Variants in PDZD2 observed in about 807,000 individuals in gnomAD.
The protein encoded by PDZD2 is PDZ domain containing 2, also known as PDZ domain-containing protein 2.
A neutral mutation model predicts 220.7 loss-of-function variants in PDZD2; 90 were observed. The observed-to-expected ratio is 0.41, with a 90% CI of 0.34 to 0.49. The LOEUF (loss-of-function observed/expected upper bound fraction) is 0.49. Among genes scored for constraint, PDZD2 ranks in the 20% least tolerant of loss-of-function variants. PDZD2 has a pLI of 0.28. For missense variants in PDZD2, 3,174 were observed against 3,608.5 expected, an observed-to-expected ratio of 0.88 and a Z score of 3.08; for synonymous variants, 1,375 against 1,450.5, an observed-to-expected ratio of 0.95 and a Z score of 1.18.
At chr5:31,896,627 T>TA (rs1268404652) in intron 2 of PDZD2, among the ~76,000 whole-genome samples, 3 of 152,186 alleles carry the variant, frequency 2.0e-5, no homozygotes, top group Admixed American at 1.3e-4. Flanking sequence ...TCTTTAGAGA[T>TA]ACATACGAAT....
intron 12 of PDZD2, 41 bp downstream of exon 12, chr5:32,058,144 T>TTC (rs775356775): frequency 9.7e-7 from 1 of 1,033,794 alleles, no homozygotes; most frequent in South Asian, 1.3e-5. Flanking sequence ...ATTTCTTGAA[T>TTC]AACATTTTGG....
chr5:31,814,225 T>C (rs1299788626), intron 2 of PDZD2, among the ~76,000 whole-genome samples: 1 of 152,176 alleles, frequency 6.6e-6, no homozygotes, highest in Non-Finnish European at 1.5e-5. Flanking sequence ...TAAAAAGGAA[T>C]TCAGGATATC....
chr5:31,996,884 C>CA (rs1378756128), intron 4 of PDZD2, among the ~76,000 whole-genome samples: 7 of 151,544 alleles, frequency 4.6e-5, no homozygotes, highest in African/African-American at 1.5e-4. Flanking sequence ...GACTCTGTCT[C>CA]AAAAAAACAA....
intron 2 of PDZD2, among the ~76,000 whole-genome samples, chr5:31,894,058 CTTTTTTT>C (rs35969573): frequency 1.1e-3 from 75 of 69,788 alleles, no homozygotes; most frequent in Non-Finnish European, 1.7e-3. Context: ...CCACGCCCAG[CTTTTTTT>C]TTTTTTTTTT....
intron 2 of PDZD2, among the ~76,000 whole-genome samples, chr5:31,950,057 TC>T (rs1035897869): frequency 6.6e-6 from 1 of 152,116 alleles, no homozygotes; most frequent in African/African-American, 2.4e-5. Flanking sequence ...GCTTATTACC[TC>T]CTCCGGTGAT....
chr5:31,928,819 A>G (rs537040833), intron 2 of PDZD2, among the ~76,000 whole-genome samples: 2 of 152,216 alleles, frequency 1.3e-5, no homozygotes, highest in East Asian at 1.9e-4. Flanking sequence ...GGAAAACTTT[A>G]TCAAGGATCT....
At chr5:31,808,688 CTAA>C (rs1427598749) in intron 2 of PDZD2, among the ~76,000 whole-genome samples, 6 of 152,110 alleles carry the variant, frequency 3.9e-5, no homozygotes, top group African/African-American at 1.4e-4. Flanking sequence ...TAAATAACAA[CTAA>C]TGAGGCTGGG....
At chr5:31,684,809 C>T (rs253909) in intron 1 of PDZD2, among the ~76,000 whole-genome samples, 59,522 of 151,950 alleles carry the variant, frequency 0.39, 12,583 homozygotes, top group East Asian at 0.82. Flanking sequence ...GCCTAGAATG[C>T]TTTTCCCTTG....
intron 2 of PDZD2, among the ~76,000 whole-genome samples, chr5:31,807,128 G>C (rs1754780246): frequency 6.6e-6 from 1 of 152,016 alleles, no homozygotes. Context: ...TAGAGACGGG[G>C]TTTCACCATG....
At chr5:31,776,264 T>A (rs557292436) in intron 1 of PDZD2, among the ~76,000 whole-genome samples, 273 of 152,150 alleles carry the variant, frequency 1.8e-3, no homozygotes, top group African/African-American at 6.2e-3. Context: ...ACTGTGCCTC[T>A]GAAATTGTCC....
chr5:32,107,977 G>A lies in PDZD2; in HGVS notation c.8362G>A (p.Ala2788Thr). The A allele has an allele frequency of 6.2e-6, 10 of 1,612,002 alleles. No homozygotes were observed. The highest frequency in any genetic ancestry group is 1.3e-5 in the African/African-American group (1 of 75,006). The change falls in exon 25 of 25, where the codon GCT (alanine) becomes ACT (threonine). Residue 2788 changes from alanine to threonine, a missense_variant. By Grantham distance (58) the Ala-to-Thr change is moderately conservative. Coordinates refer to ENST00000438447, the MANE Select transcript of PDZD2 (RefSeq NM_178140.4). ...VIKRVYKGGA[A>T]EQAGIIEAGD... ...TGTGTTTATTCTCGTAGGTGGTGCGGCTGAACAAGCTGGAATAATAGAAGC... is the reference window on the plus strand; with the variant it reads ...TGTGTTTATTCTCGTAGGTGGTGCGACTGAACAAGCTGGAATAATAGAAGC...
intron 2 of PDZD2, among the ~76,000 whole-genome samples, chr5:31,893,651 G>C (rs1741264164): frequency 6.6e-6 from 1 of 152,174 alleles, no homozygotes; most frequent in African/African-American, 2.4e-5. Flanking sequence ...AATAAATGTA[G>C]CGATCAGCTA....
chr5:31,945,229 G>A (rs1407680617), intron 2 of PDZD2, among the ~76,000 whole-genome samples: 1 of 152,074 alleles, frequency 6.6e-6, no homozygotes, highest in African/African-American at 2.4e-5. Context: ...TTATGTCACA[G>A]GCCAACTGGT....
At chr5:32,093,163 A>G (rs1252572807) in intron 21 of PDZD2, 139 bp downstream of exon 21, 2 of 609,016 alleles carry the variant, frequency 3.3e-6, no homozygotes, top group Non-Finnish European at 5.9e-6. Context: ...CGAGTTTCAC[A>G]GCTCAGTCTG....
At chr5:32,074,853 C>A (rs1178999060) in intron 18 of PDZD2, among the ~76,000 whole-genome samples, 1 of 151,706 alleles carries the variant, frequency 6.6e-6, no homozygotes, top group Non-Finnish European at 1.5e-5. Flanking sequence ...CTCTGTCACC[C>A]AGGCGGGAGT....
At chr5:32,051,886 G>A (rs328616) in intron 8 of PDZD2, among the ~76,000 whole-genome samples, 151,527 of 152,296 alleles carry the variant, frequency 0.99, 75,418 homozygotes, top group Middle Eastern at 1. Flanking sequence ...GATCGAGTGA[G>A]TTAGGCTTAA....
chr5:31,789,611 G>A (rs564211069), intron 1 of PDZD2, among the ~76,000 whole-genome samples: 1 of 152,288 alleles, frequency 6.6e-6, no homozygotes, highest in South Asian at 2.1e-4. Context: ...ATACAATACT[G>A]GAAAAGGTAT....
chr5:31,842,387 T>C (rs1757362550), intron 2 of PDZD2, among the ~76,000 whole-genome samples: 1 of 152,234 alleles, frequency 6.6e-6, no homozygotes, highest in Non-Finnish European at 1.5e-5. Context: ...GGCTGAGATC[T>C]AAATCCAGGC....
intron 3 of PDZD2, among the ~76,000 whole-genome samples, chr5:31,991,906 A>G (rs943838052): frequency 4.6e-5 from 7 of 152,116 alleles, no homozygotes; most frequent in African/African-American, 1.7e-4. Flanking sequence ...GGTGGTGTGC[A>G]CCTGTAATCC....
Sources: allele counts gnomAD v4.1 joint callset (sites outside exome capture counted in the v4.1 genomes callset), GRCh38; gene constraint gnomAD v4.1.1; transcripts MANE v1.5; gene names NCBI Gene and HGNC (gene_info 2026-07-23, HGNC 2026-07-21).